KLHL28: variants seen among roughly 807,000 people sequenced by gnomAD.
The protein encoded by KLHL28 is kelch-like protein 28.
In KLHL28, 22 loss-of-function variants were observed where a neutral mutation model predicts 48.3. That is an observed-to-expected ratio of 0.46 (90% CI 0.33 to 0.65). The LOEUF (loss-of-function observed/expected upper bound fraction) is 0.65. KLHL28 is among the 30% of genes least tolerant of loss of function. The pLI is 0.03. For synonymous variants in KLHL28, 243 were observed against 242.4 expected (o/e 1.00, Z -0.02); for missense variants, 527 against 704.3 (o/e 0.75, Z 2.85).
At chr14:44,949,149 C>A (rs763014287) in intron 1 of KLHL28, among the ~76,000 whole-genome samples, 18 of 152,062 alleles carry the variant, frequency 1.2e-4, no homozygotes, top group Admixed American at 5.2e-4. Context: ...ACCAGTGCCA[C>A]AGGACTGAAG....
intron 2 of KLHL28, among the ~76,000 whole-genome samples, chr14:44,936,678 C>T (rs879848121): frequency 6.6e-6 from 1 of 152,120 alleles, no homozygotes; most frequent in Non-Finnish European, 1.5e-5. Flanking sequence ...TAGGTTTCTC[C>T]AGTTACATTC....
intron 1 of KLHL28, among the ~76,000 whole-genome samples, chr14:44,948,560 A>G (rs1476191486): frequency 6.6e-6 from 1 of 152,120 alleles, no homozygotes; most frequent in Non-Finnish European, 1.5e-5. Context: ...TCTCTAAAGT[A>G]TAAAGTTCTA....
intron 2 of KLHL28, among the ~76,000 whole-genome samples, chr14:44,942,666 A>G (rs1884153381): frequency 6.6e-6 from 1 of 152,058 alleles, no homozygotes; most frequent in Non-Finnish European, 1.5e-5. Flanking sequence ...ATATCCCATA[A>G]TGTATCATGC....
intron 2 of KLHL28, among the ~76,000 whole-genome samples, chr14:44,944,662 T>C (rs187919607): frequency 6.4e-4 from 97 of 152,324 alleles, no homozygotes; most frequent in African/African-American, 2.3e-3. Flanking sequence ...AGTTCTCTTC[T>C]TTGCTATCTT....
rs1594562374 is a variant in KLHL28 at position 44,928,913 on chromosome 14, C to T, written c.*115G>A. On this transcript the variant is annotated 3_prime_UTR_variant, in exon 5 of 5. Transcript: ENST00000396128. The stretch of plus-strand genomic sequence containing the variant: ...CCAACAAAACTTTTGAGCCTTCATG[C>T]TACTTCAAGTTAAAAAGAAAGCAAT... The T allele has an allele frequency of 4.5e-6, 4 of 892,714 alleles. No homozygotes were observed. Among genetic ancestry groups the T allele is most frequent in the Non-Finnish European group, 6.7e-6 (4 of 595,624 alleles). 55.3% of individuals were successfully genotyped at this position (892,714 alleles called of 1,614,324 possible).
intron 1 of KLHL28, among the ~76,000 whole-genome samples, chr14:44,951,135 T>C (rs1385808682): frequency 1.3e-5 from 2 of 152,274 alleles, no homozygotes; most frequent in African/African-American, 4.8e-5. Flanking sequence ...AGCAGTTTTC[T>C]ATTCTGTAGC....
intron 4 of KLHL28, among the ~76,000 whole-genome samples, chr14:44,931,030 C>A (rs1348471873): frequency 6.6e-6 from 1 of 152,130 alleles, no homozygotes; most frequent in Non-Finnish European, 1.5e-5. Context: ...GAAAAGATGA[C>A]ATTTGTTACA....
chr14:44,943,862 G>A (rs1884211352), intron 2 of KLHL28, among the ~76,000 whole-genome samples: 4 of 151,772 alleles, frequency 2.6e-5, no homozygotes, highest in Admixed American at 6.6e-5. Flanking sequence ...CTACAGGAGT[G>A]CAACACCACT....
chr14:44,953,048 A>C (rs969811237), intron 1 of KLHL28, among the ~76,000 whole-genome samples: 3 of 152,228 alleles, frequency 2.0e-5, no homozygotes, highest in Non-Finnish European at 2.9e-5. Context: ...CTAAGCTTAA[A>C]CATTCTCATT....
intron 2 of KLHL28, among the ~76,000 whole-genome samples, chr14:44,935,915 C>G (rs1401198122): frequency 8.8e-5 from 2 of 22,622 alleles, no homozygotes; most frequent in South Asian, 2.5e-3. Context: ...TTTACCCTCC[C>G]CCCGCAAAGT....
At chr14:44,950,586 G>T (rs780239717) in intron 1 of KLHL28, among the ~76,000 whole-genome samples, 6 of 152,100 alleles carry the variant, frequency 3.9e-5, no homozygotes, top group Admixed American at 3.3e-4. Context: ...ATATTTGTAT[G>T]ATATGCAGTA....
intron 2 of KLHL28, among the ~76,000 whole-genome samples, chr14:44,943,605 T>C (rs933103217): frequency 6.6e-6 from 1 of 151,780 alleles, no homozygotes; most frequent in African/African-American, 2.4e-5. Flanking sequence ...TGCAGTGAGC[T>C]GAGATTGCAC....
chr14:44,952,800 A>T (rs1167821600), intron 1 of KLHL28, among the ~76,000 whole-genome samples: 1 of 152,206 alleles, frequency 6.6e-6, no homozygotes, highest in Non-Finnish European at 1.5e-5. Context: ...TCAAAGAAGT[A>T]ATACTTTCTA....
At position 44,934,292 on chromosome 14, in the gene KLHL28, T is replaced by C. The variant is rs752054910; in HGVS notation, c.1166A>G (p.Tyr389Cys). The change falls in exon 3 of 5, where the codon TAT becomes TGT. Residue 389 changes from tyrosine to cysteine, a missense_variant. By Grantham distance (194) the Tyr-to-Cys change is radical (BLOSUM62 -2). Coordinates refer to ENST00000396128, the MANE Select transcript of KLHL28 (RefSeq NM_017658.5). The part of the protein sequence containing the change: ...LGVVVLAGEL[Y>C]ALGGYDGQSY... ...TTGTCCATCATAACCACCTAAGGCA[T>C]AAAGTTCTCCTGCAAGTACTACTAC... 45 of 1,614,048 alleles carry C rather than the reference T, an allele frequency of 2.8e-5. No homozygotes were observed. Among genetic ancestry groups the C allele is most frequent in the Non-Finnish European group, 3.6e-5 (42 of 1,180,022 alleles).
rs1205218567 is a variant in KLHL28, at chr14:44,927,142, GAA to G, written c.*1884_*1885del. The G allele has an allele frequency of 6.6e-6, 1 of 152,542 alleles. No individual in the cohort carries two copies. Among genetic ancestry groups the G allele is most frequent in the African/African-American group, 2.4e-5 (1 of 41,438 alleles). 9.4% of individuals were successfully genotyped at this position (152,542 alleles called of 1,614,324 possible). A position where few individuals can be genotyped will look rare whatever the true frequency, so the allele number is the denominator to read the frequency against. ...GTTGCTCCTGTTGAGTTCTAAATTAGAAGAGACTAAAAATCACTTGCAAGGTT... is the reference window on the plus strand; with the variant it reads ...GTTGCTCCTGTTGAGTTCTAAATTAGGAGACTAAAAATCACTTGCAAGGTT... On this transcript the variant is annotated 3_prime_UTR_variant, in exon 5 of 5. Transcript: ENST00000396128.
intron 1 of KLHL28, among the ~76,000 whole-genome samples, chr14:44,958,759 C>CT (rs1466399078): frequency 1.3e-5 from 2 of 152,078 alleles, no homozygotes; most frequent in African/African-American, 4.8e-5. Flanking sequence ...TCCCTGTCCA[C>CT]TGAAAAACTG....
intron 1 of KLHL28, among the ~76,000 whole-genome samples, chr14:44,956,388 T>C (rs1375181755): frequency 6.6e-6 from 1 of 152,184 alleles, no homozygotes; most frequent in African/African-American, 2.4e-5. Context: ...AAAAGAGAGA[T>C]AGCTAGATAA....
At chr14:44,949,747 C>T (rs1380910628) in intron 1 of KLHL28, among the ~76,000 whole-genome samples, 2 of 151,984 alleles carry the variant, frequency 1.3e-5, no homozygotes, top group Non-Finnish European at 1.5e-5. Context: ...AACCAACTAC[C>T]CAAGTATAGA....
At chr14:44,935,007 C>T (rs1883749198) in intron 2 of KLHL28, among the ~76,000 whole-genome samples, 1 of 152,130 alleles carries the variant, frequency 6.6e-6, no homozygotes, top group Admixed American at 6.5e-5. Context: ...ATGAAAAAGG[C>T]ATGCATACAT....
Sources: gnomAD v4.1 joint callset for allele counts (sites outside exome capture counted in the v4.1 genomes callset) on GRCh38, gnomAD v4.1.1 for gene constraint, MANE v1.5 for transcripts, NCBI Gene and HGNC (gene_info 2026-07-23, HGNC 2026-07-21) for gene names.